The following PPP1R12A variants were observed in gnomAD, a reference collection of about 807,000 sequenced individuals.
The protein encoded by PPP1R12A is protein phosphatase 1 regulatory subunit 12A.
A neutral mutation model predicts 139.6 loss-of-function variants in PPP1R12A; 19 were observed. The observed-to-expected ratio is 0.14, with a 90% CI of 0.09 to 0.20. The LOEUF (loss-of-function observed/expected upper bound fraction) is 0.20. Among genes scored for constraint, PPP1R12A ranks in the 10% least tolerant of loss-of-function variants. The pLI is 1.00. For synonymous variants in PPP1R12A, 427 were observed against 420.6 expected (o/e 1.02, Z -0.19); for missense variants, 925 against 1,211.5 (o/e 0.76, Z 3.51).
At position 79,806,196 on chromosome 12, in the gene PPP1R12A, G is replaced by C. The variant is rs369799213; in HGVS notation, c.1793C>G (p.Thr598Arg). 2.9e-5 allele frequency: 47 copies of C among 1,613,756 alleles called. No homozygotes were observed. Among genetic ancestry groups the C allele is most frequent in the Non-Finnish European group, 3.6e-5 (43 of 1,179,810 alleles). The change falls in exon 13 of 25, where the codon ACG (threonine) becomes AGG (arginine). Residue 598 changes from threonine (T) to arginine (R), a missense_variant. Thr to Arg is a moderately conservative substitution (Grantham distance 71). Coordinates refer to ENST00000450142, the MANE Select transcript of PPP1R12A (RefSeq NM_002480.3). ...SSTSTTTKIT[T>R]GSSSAGTQSS... is the part of the protein sequence containing the mutation. ...TTGTGTGCCTGCTGAGGAAGAACCC[G>C]TTGTAATCTTTGTAGTAGTGCTTGT...
intron 1 of PPP1R12A, among the ~76,000 whole-genome samples, chr12:79,896,833 CAAG>C (rs1373978583): frequency 6.6e-6 from 1 of 152,156 alleles, no homozygotes; most frequent in Non-Finnish European, 1.5e-5. Flanking sequence ...CAACTGAAAT[CAAG>C]AAGGAGTGTA....
chr12:79,856,977 T>C (rs1880733615), intron 2 of PPP1R12A, among the ~76,000 whole-genome samples: 1 of 152,212 alleles, frequency 6.6e-6, no homozygotes, highest in Non-Finnish European at 1.5e-5. Flanking sequence ...AAGAACTTTA[T>C]CATATATTAT....
intron 24 of PPP1R12A, 129 bp downstream of exon 24, chr12:79,778,421 C>T (rs1870006934): frequency 1.8e-6 from 1 of 548,156 alleles, no homozygotes; most frequent in Admixed American, 4.2e-5. Context: ...AGAGAAGCAC[C>T]AGATATAGAC....
At chr12:79,873,869 C>T (rs1882827953) in intron 1 of PPP1R12A, among the ~76,000 whole-genome samples, 1 of 152,134 alleles carries the variant, frequency 6.6e-6, no homozygotes, top group South Asian at 2.1e-4. Flanking sequence ...GCTGACTTAG[C>T]CACTTTTCCA....
chr12:79,916,193 A>T (rs1886983412), intron 1 of PPP1R12A, among the ~76,000 whole-genome samples: 1 of 151,948 alleles, frequency 6.6e-6, no homozygotes, highest in Admixed American at 6.5e-5. Flanking sequence ...TGTACCTATA[A>T]ACAACAAATG....
intron 2 of PPP1R12A, among the ~76,000 whole-genome samples, chr12:79,865,882 G>C (rs757110051): frequency 2.0e-5 from 3 of 152,132 alleles, no homozygotes; most frequent in Admixed American, 6.6e-5. Flanking sequence ...TCGTGAAAAT[G>C]GCCTTACTAC....
intron 1 of PPP1R12A, among the ~76,000 whole-genome samples, chr12:79,921,113 G>A (rs1887401580): frequency 6.6e-6 from 1 of 152,082 alleles, no homozygotes. Context: ...AGTAGTGTCT[G>A]GCACAGAAGA....
chr12:79,889,519 C>T (rs1347684498), intron 1 of PPP1R12A, among the ~76,000 whole-genome samples: 1 of 152,172 alleles, frequency 6.6e-6, no homozygotes, highest in African/African-American at 2.4e-5. Context: ...TCCCATATCC[C>T]TGTATCTTTA....
chr12:79,789,793 TTTA>T, intron 20 of PPP1R12A: 9 of 379,712 alleles, frequency 2.4e-5, no homozygotes, highest in East Asian at 1.5e-4. Context: ...TTTTTTTTTT[TTTA>T]AAGACACAGG....
At chr12:79,902,649 T>C (rs1349795395) in intron 1 of PPP1R12A, among the ~76,000 whole-genome samples, 2 of 152,166 alleles carry the variant, frequency 1.3e-5, no homozygotes, top group African/African-American at 2.4e-5. Flanking sequence ...TTAAAAACAA[T>C]TTCCTGTTTC....
rs1481499501 is a variant in PPP1R12A at position 79,775,628 on chromosome 12, C to T, written c.*301G>A. 4.9e-6 allele frequency: 1 copy of T among 205,126 alleles called. No homozygotes were observed. Among genetic ancestry groups the T allele is most frequent in the Non-Finnish European group, 9.7e-6 (1 of 103,116 alleles). 12.7% of individuals were successfully genotyped at this position (205,126 alleles called of 1,614,324 possible). On this transcript the variant is annotated 3_prime_UTR_variant, in exon 25 of 25. Coordinates refer to ENST00000450142, the MANE Select transcript of PPP1R12A (RefSeq NM_002480.3). Reference sequence around the variant, plus strand: ...GGCATATCTGGCCTTGAACACTTTCCTTATATGCTGGAGCTGTAAACAAGT... The same window carrying T: ...GGCATATCTGGCCTTGAACACTTTCTTTATATGCTGGAGCTGTAAACAAGT...
At chr12:79,887,440 A>G (rs191035224) in intron 1 of PPP1R12A, among the ~76,000 whole-genome samples, 1 of 152,280 alleles carries the variant, frequency 6.6e-6, no homozygotes, top group East Asian at 1.9e-4. Flanking sequence ...TGCCCAATTA[A>G]GAAAAAAAGA....
intron 2 of PPP1R12A, among the ~76,000 whole-genome samples, chr12:79,865,994 A>G (rs1290326552): frequency 2.0e-5 from 3 of 152,218 alleles, no homozygotes; most frequent in Admixed American, 1.3e-4. Flanking sequence ...GAACCAAAAA[A>G]GAGCCGGCAT....
At chr12:79,803,993 T>C (rs1285910590) in intron 14 of PPP1R12A, among the ~76,000 whole-genome samples, 1 of 152,018 alleles carries the variant, frequency 6.6e-6, no homozygotes, top group African/African-American at 2.4e-5. Flanking sequence ...CTGGAGAAAT[T>C]TTCAAAAGCA....
At chr12:79,904,139 C>T (rs2596797) in intron 1 of PPP1R12A, among the ~76,000 whole-genome samples, 12,004 of 151,600 alleles carry the variant, frequency 0.079, 787 homozygotes, top group East Asian at 0.33. Flanking sequence ...CGCTTGAACC[C>T]GGGAGGTGGA....
chr12:79,845,451 A>G (rs1274116135), intron 2 of PPP1R12A, 31 bp from the exon 3 acceptor site: 4 of 1,469,218 alleles, frequency 2.7e-6, no homozygotes, highest in Non-Finnish European at 3.8e-6. Flanking sequence ...TAGTTAAGCA[A>G]AAGATATTAT....
At chr12:79,822,427 T>A (rs1876234165) in intron 5 of PPP1R12A, among the ~76,000 whole-genome samples, 2 of 152,170 alleles carry the variant, frequency 1.3e-5, no homozygotes, top group African/African-American at 2.4e-5. Flanking sequence ...TGAGATATAA[T>A]TCATATACCA....
At chr12:79,813,896 C>T (rs1382987350) in intron 9 of PPP1R12A, among the ~76,000 whole-genome samples, 2 of 151,844 alleles carry the variant, frequency 1.3e-5, no homozygotes, top group African/African-American at 4.9e-5. Flanking sequence ...AACACAAGTG[C>T]ACACATACAT....
At chr12:79,911,242 C>G (rs1340819226) in intron 1 of PPP1R12A, among the ~76,000 whole-genome samples, 1 of 152,166 alleles carries the variant, frequency 6.6e-6, no homozygotes, top group Non-Finnish European at 1.5e-5. Flanking sequence ...ACCAACAACC[C>G]TCCAGGCGCA....
Sources: gnomAD v4.1 joint callset for allele counts (sites outside exome capture counted in the v4.1 genomes callset) on GRCh38, gnomAD v4.1.1 for gene constraint, MANE v1.5 for transcripts, NCBI Gene and HGNC (gene_info 2026-07-23, HGNC 2026-07-21) for gene names.